The following SMYD3 variants were observed in gnomAD, a reference collection of about 807,000 sequenced individuals.
The protein encoded by SMYD3 is SET and MYND domain containing 3.
SMYD3 carries 36 observed loss-of-function variants against 57.7 expected under a neutral mutation model. The ratio of observed to expected loss-of-function variants is 0.62; its 90% CI spans 0.48 to 0.82. SMYD3 has a LOEUF of 0.82. Ranked by LOEUF, SMYD3 falls within the 40% of genes least tolerant of loss-of-function variation. SMYD3 has a pLI of 0.00. For synonymous variants in SMYD3, 211 were observed against 195.0 expected, an observed-to-expected ratio of 1.08 and a Z score of -0.68; for missense variants, 515 against 538.8, an observed-to-expected ratio of 0.96 and a Z score of 0.44.
At chr1:246,125,223 T>C (rs978432623) in intron 5 of SMYD3, among the ~76,000 whole-genome samples, 8 of 152,226 alleles carry the variant, frequency 5.3e-5, no homozygotes, top group Non-Finnish European at 8.8e-5. Flanking sequence ...TAGTACTTCA[T>C]ATATTGAAGT....
At chr1:245,881,986 G>C (rs1342156459) in intron 8 of SMYD3, among the ~76,000 whole-genome samples, 1 of 152,214 alleles carries the variant, frequency 6.6e-6, no homozygotes. Flanking sequence ...GGGCCTGCTG[G>C]TCTTGTTGGG....
At chr1:246,403,458 C>T (rs1435087182) in intron 1 of SMYD3, among the ~76,000 whole-genome samples, 1 of 152,180 alleles carries the variant, frequency 6.6e-6, no homozygotes, top group Non-Finnish European at 1.5e-5. Flanking sequence ...GATGGTTGCA[C>T]ATACCAAGAA....
chr1:245,812,534 C>T (rs1002766509), intron 10 of SMYD3, among the ~76,000 whole-genome samples: 2 of 152,072 alleles, frequency 1.3e-5, no homozygotes, highest in African/African-American at 4.8e-5. Flanking sequence ...CCAACGTCAC[C>T]AGGGCTGCCC....
chr1:245,887,213 C>G (rs952218150), intron 8 of SMYD3, among the ~76,000 whole-genome samples: 3 of 152,064 alleles, frequency 2.0e-5, no homozygotes, highest in African/African-American at 7.2e-5. Flanking sequence ...CTACCAAAAC[C>G]GAGATGGCCA....
chr1:245,920,129 C>A lies in SMYD3; in HGVS notation c.703-4489G>T, dbSNP rs113004577. Among the ~76,000 whole-genome samples the A allele has an allele frequency of 1.3e-4, 20 of 151,986 alleles. No individual in the cohort carries two copies. The East Asian group carries it at 1.4e-3, about 10-fold the overall frequency. On this transcript the variant is annotated intron_variant, in intron 7 of 11. Coordinates refer to ENST00000490107, the MANE Select transcript of SMYD3 (RefSeq NM_001167740.2). ...GAGATTGAGACCATCCTGGCTAACA[C>A]GGTGAAACCCCGTCTCTACTAAAAA...
At chr1:246,481,708 T>TTA (rs969821894) in intron 1 of SMYD3, among the ~76,000 whole-genome samples, 1 of 144,644 alleles carries the variant, frequency 6.9e-6, no homozygotes, top group African/African-American at 2.5e-5. Flanking sequence ...TCATATATGA[T>TTA]TATATATATA....
chr1:246,394,799 C>T (rs4654108), intron 1 of SMYD3, among the ~76,000 whole-genome samples: 149,709 of 150,930 alleles, frequency 0.99, 74,261 homozygotes, highest in Non-Finnish European at 1. Flanking sequence ...TTCAGCTATG[C>T]TTTATGAGAT....
intron 5 of SMYD3, among the ~76,000 whole-genome samples, chr1:246,157,251 A>T (rs184709271): frequency 6.6e-4 from 100 of 152,216 alleles, no homozygotes; most frequent in Admixed American, 5.9e-3. Flanking sequence ...TCCTTCAGGG[A>T]GGTCTGGCTA....
intron 5 of SMYD3, chr1:245,930,765 G>C (rs1380845724): frequency 6.6e-6 from 1 of 152,132 alleles, no homozygotes; most frequent in African/African-American, 2.4e-5. Flanking sequence ...TCAAGTTCTA[G>C]TTGAATACAC....
chr1:246,053,077 A>C (rs2060088816), intron 5 of SMYD3: 2 of 152,238 alleles, frequency 1.3e-5, no homozygotes, highest in Admixed American at 1.3e-4. Flanking sequence ...TCTCTAAAAA[A>C]TAAAAATAAT....
chr1:245,960,965 C>A lies in SMYD3; in HGVS notation c.532-31028G>T, dbSNP rs186272983. On this transcript the variant is annotated intron_variant, in intron 5 of 11. Transcript: ENST00000490107. ...CAAAGGTCTCTTGTATATTATCTAG[C>A]TCCTTAAAATGGCAACATTTAAAAA... 9.9e-4 allele frequency among the ~76,000 whole-genome samples: 151 copies of A among 152,288 alleles called. 1 individual carries two copies. Among genetic ancestry groups the A allele is most frequent in the African/African-American group, 3.6e-3 (148 of 41,560 alleles).
At chr1:245,861,929 C>G (rs184629926) in intron 9 of SMYD3, among the ~76,000 whole-genome samples, 5 of 152,282 alleles carry the variant, frequency 3.3e-5, no homozygotes, top group Admixed American at 1.3e-4. Flanking sequence ...ACCCAGCACA[C>G]AGTCCGTTTT....
chr1:245,947,831 A>T (rs1225856832), intron 5 of SMYD3, among the ~76,000 whole-genome samples: 2 of 152,170 alleles, frequency 1.3e-5, no homozygotes, highest in African/African-American at 2.4e-5. Flanking sequence ...TATAAATCAG[A>T]TATCTCAGAA....
At chr1:246,435,872 G>A (rs1040458069) in intron 1 of SMYD3, among the ~76,000 whole-genome samples, 5 of 151,398 alleles carry the variant, frequency 3.3e-5, no homozygotes, top group African/African-American at 9.7e-5. Context: ...AATGTCCCAC[G>A]TGGCATTTGA....
At chr1:246,326,098 A>G (rs1484695454) in intron 5 of SMYD3, 2 of 318,174 alleles carry the variant, frequency 6.3e-6, no homozygotes, top group East Asian at 1.0e-4. Context: ...ACTGGAATAA[A>G]TCTCCAGCAA....
intron 5 of SMYD3, among the ~76,000 whole-genome samples, chr1:246,050,544 C>T (rs568226706): frequency 4.6e-5 from 7 of 152,236 alleles, no homozygotes; most frequent in East Asian, 3.9e-4. Context: ...TCAGGTCCAA[C>T]GTAAATGGTG....
intron 5 of SMYD3, among the ~76,000 whole-genome samples, chr1:246,083,339 C>CA (rs1171710014): frequency 1.3e-5 from 2 of 152,170 alleles, no homozygotes; most frequent in African/African-American, 4.8e-5. Flanking sequence ...ATATGCACAT[C>CA]AAAAGCACAG....
intron 5 of SMYD3, among the ~76,000 whole-genome samples, chr1:246,087,267 T>C (rs1240625374): frequency 6.6e-6 from 1 of 152,204 alleles, no homozygotes; most frequent in African/African-American, 2.4e-5. Context: ...ATAGAGGGAA[T>C]AAGCATCTCT....
At chr1:246,462,854 A>C (rs1350782964) in intron 1 of SMYD3, among the ~76,000 whole-genome samples, 1 of 152,188 alleles carries the variant, frequency 6.6e-6, no homozygotes, top group Non-Finnish European at 1.5e-5. Context: ...AAAGCAACAA[A>C]ATACATTTTA....
Sources: gnomAD v4.1 joint callset for allele counts (sites outside exome capture counted in the v4.1 genomes callset) on GRCh38, gnomAD v4.1.1 for gene constraint, MANE v1.5 for transcripts, NCBI Gene and HGNC (gene_info 2026-07-23, HGNC 2026-07-21) for gene names.